Variants in PCDH9 observed in about 807,000 individuals in gnomAD.
The protein encoded by PCDH9 is protocadherin-9.
In PCDH9, 24 loss-of-function variants were observed where a neutral mutation model predicts 70.6. The ratio of observed to expected loss-of-function variants is 0.34; its 90% CI spans 0.25 to 0.48. The LOEUF is 0.48. Ranked by LOEUF, PCDH9 falls within the 20% of genes least tolerant of loss-of-function variation. The probability of loss-of-function intolerance (pLI) is 0.99; values close to 1 mark genes in which losing one functional copy is unlikely to be tolerated. For missense variants in PCDH9, 1,281 were observed against 1,503.6 expected (o/e 0.85, Z 2.45); for synonymous variants, 562 against 558.5 (o/e 1.01, Z -0.09).
At chr13:66,385,795 AG>A (rs1288505286) in intron 4 of PCDH9, among the ~76,000 whole-genome samples, 1 of 152,200 alleles carries the variant, frequency 6.6e-6, no homozygotes, top group African/African-American at 2.4e-5. Context: ...GAATTCTAAC[AG>A]CGATTTCAAA....
intron 3 of PCDH9, among the ~76,000 whole-genome samples, chr13:66,640,492 C>T (rs1593822901): frequency 6.6e-6 from 1 of 151,708 alleles, no homozygotes; most frequent in East Asian, 1.9e-4. Flanking sequence ...TATGGCCAGA[C>T]TGGTAAAAAA....
chr13:67,042,631 C>T (rs1010186984), intron 2 of PCDH9, among the ~76,000 whole-genome samples: 1 of 152,166 alleles, frequency 6.6e-6, no homozygotes, highest in Non-Finnish European at 1.5e-5. Context: ...ATAGCTTCTA[C>T]TCTTTACATT....
chr13:66,573,926 T>G (rs2076774450), intron 4 of PCDH9, among the ~76,000 whole-genome samples: 1 of 152,182 alleles, frequency 6.6e-6, no homozygotes, highest in African/African-American at 2.4e-5. Flanking sequence ...ACCAATATTT[T>G]CCAGCTTTAT....
intron 4 of PCDH9, among the ~76,000 whole-genome samples, chr13:66,470,047 C>A (rs1398177436): frequency 6.6e-6 from 1 of 152,144 alleles, no homozygotes; most frequent in East Asian, 1.9e-4. Flanking sequence ...GCTTCTACCT[C>A]TTTCCTTTTC....
At chr13:66,676,578 G>A (rs2078246072) in intron 3 of PCDH9, among the ~76,000 whole-genome samples, 1 of 152,130 alleles carries the variant, frequency 6.6e-6, no homozygotes, top group Non-Finnish European at 1.5e-5. Context: ...GGATATCAGT[G>A]AAGCTGGAAT....
chr13:67,004,230 C>T (rs776700625), intron 2 of PCDH9, among the ~76,000 whole-genome samples: 13 of 151,860 alleles, frequency 8.6e-5, no homozygotes, highest in Middle Eastern at 6.3e-3. Context: ...TATCAGATTC[C>T]TTTAAAATAT....
chr13:66,581,964 G>A (rs1395658658), intron 4 of PCDH9, among the ~76,000 whole-genome samples: 1 of 151,958 alleles, frequency 6.6e-6, no homozygotes, highest in African/African-American at 2.4e-5. Flanking sequence ...TTCTCTTCAC[G>A]TCTTTGTCCC....
intron 3 of PCDH9, among the ~76,000 whole-genome samples, chr13:66,701,373 A>ATGTGTAAATATATATATACATATATG (rs2078645803): frequency 6.6e-6 from 1 of 152,058 alleles, no homozygotes; most frequent in African/African-American, 2.4e-5. Flanking sequence ...ATACCAGTGT[A>ATGTGTAAATATATATATACATATATG]TGTGTAAATA....
chr13:67,199,021 A>T (rs1390795432), intron 2 of PCDH9, among the ~76,000 whole-genome samples: 11 of 151,704 alleles, frequency 7.3e-5, no homozygotes, highest in Admixed American at 7.2e-4. Flanking sequence ...AGTAATTATC[A>T]CATTAACATG....
intron 3 of PCDH9, among the ~76,000 whole-genome samples, chr13:66,879,104 AAC>A (rs1167974151): frequency 6.6e-6 from 1 of 152,182 alleles, no homozygotes; most frequent in Non-Finnish European, 1.5e-5. Flanking sequence ...ATTTTGGAAA[AAC>A]ACTTAGTAGA....
chr13:66,353,012 C>T (rs187124129), intron 4 of PCDH9, among the ~76,000 whole-genome samples: 2 of 152,288 alleles, frequency 1.3e-5, no homozygotes, highest in Admixed American at 6.5e-5. Context: ...AACAGCCTCT[C>T]TAACCAGGGA....
At chr13:67,189,088 A>G (rs755483540) in intron 2 of PCDH9, among the ~76,000 whole-genome samples, 15 of 151,836 alleles carry the variant, frequency 9.9e-5, no homozygotes, top group Non-Finnish European at 1.8e-4. Context: ...ATAGTCTCCA[A>G]TCCCATCCAG....
rs551980105 is a variant in PCDH9, at chr13:66,677,249, A to T, written c.3139-45838T>A. Among the ~76,000 whole-genome samples the T allele has an allele frequency of 1.1e-3, 165 of 152,250 alleles. 3 individuals are homozygous for T. Among genetic ancestry groups the T allele is most frequent in the African/African-American group, 3.7e-3 (155 of 41,556 alleles). On this transcript the variant is annotated intron_variant, in intron 3 of 4. Transcript: ENST00000377865. ...GGAAATTTCATTTTAGGTATTTTAA[A>T]ATGAGAAGAAATGCATGTCTAAGTT...
chr13:66,997,139 G>C (rs868656445), intron 2 of PCDH9, among the ~76,000 whole-genome samples: 1 of 152,184 alleles, frequency 6.6e-6, no homozygotes, highest in Non-Finnish European at 1.5e-5. Context: ...TATTTAGGAA[G>C]TGTGTTCGTT....
intron 2 of PCDH9, among the ~76,000 whole-genome samples, chr13:67,079,687 G>A (rs2085946335): frequency 6.6e-6 from 1 of 152,168 alleles, no homozygotes; most frequent in African/African-American, 2.4e-5. Flanking sequence ...TTCCATTAAT[G>A]TAGCCAGACC....
intron 2 of PCDH9, among the ~76,000 whole-genome samples, chr13:67,037,452 T>C (rs1009170042): frequency 4.6e-5 from 7 of 152,216 alleles, no homozygotes; most frequent in Admixed American, 1.3e-4. Flanking sequence ...AGTGTTATTT[T>C]AAAGGATTTT....
chr13:66,425,351 G>A (rs1316715534), intron 4 of PCDH9, among the ~76,000 whole-genome samples: 1 of 151,556 alleles, frequency 6.6e-6, no homozygotes. Flanking sequence ...AATCTAGACT[G>A]ACTCTGTAAC....
intron 2 of PCDH9, among the ~76,000 whole-genome samples, chr13:66,911,178 A>G (rs117828205): frequency 0.021 from 3,133 of 152,292 alleles, 84 homozygotes; most frequent in Admixed American, 0.077. Flanking sequence ...TGTCAAACTT[A>G]TTCAGCAGGT....
chr13:66,346,980 G>C (rs544745679), intron 4 of PCDH9, among the ~76,000 whole-genome samples: 1 of 152,226 alleles, frequency 6.6e-6, no homozygotes, highest in South Asian at 2.1e-4. Flanking sequence ...TCACTTCATT[G>C]TATTCAATTT....
Sources: gnomAD v4.1 joint callset for allele counts (sites outside exome capture counted in the v4.1 genomes callset) on GRCh38, gnomAD v4.1.1 for gene constraint, MANE v1.5 for transcripts, NCBI Gene and HGNC (gene_info 2026-07-23, HGNC 2026-07-21) for gene names.